Variants in SAMD12 observed in about 807,000 individuals in gnomAD.
SAMD12 encodes sterile alpha motif domain-containing protein 12.
Under a neutral mutation model 15.0 loss-of-function variants are expected in SAMD12, and 9 were observed. The ratio of observed to expected loss-of-function variants is 0.60; its 90% confidence interval spans 0.36 to 1.05. SAMD12 has a LOEUF of 1.05. SAMD12 is among the 50% of genes least tolerant of loss of function. The pLI is 0.01. For synonymous variants in SAMD12, 86 were observed against 90.1 expected, an observed-to-expected ratio of 0.96 and a Z score of 0.25; for missense variants, 230 against 234.2, an observed-to-expected ratio of 0.98 and a Z score of 0.12.
intron 3 of SAMD12, among the ~76,000 whole-genome samples, chr8:118,416,003 T>C (rs1008167013): frequency 1.3e-5 from 2 of 152,184 alleles, no homozygotes; most frequent in East Asian, 1.9e-4. Context: ...CCTTTTTTTT[T>C]CTTTAAAGTG....
At chr8:118,227,936 C>T (rs750158476) in intron 4 of SAMD12, among the ~76,000 whole-genome samples, 3 of 152,164 alleles carry the variant, frequency 2.0e-5, no homozygotes, top group African/African-American at 7.2e-5. Flanking sequence ...TAAAAATAGG[C>T]ACATAGACCA....
chr8:118,169,023 A>G, the SAMD12 span, among the ~76,000 whole-genome samples: 5 of 152,158 alleles, frequency 3.3e-5, no homozygotes, highest in African/African-American at 4.8e-5. Flanking sequence ...CAACCACTCA[A>G]CAATAGGAAA....
intron 1 of SAMD12, among the ~76,000 whole-genome samples, chr8:118,585,203 A>G (rs1827407517): frequency 6.6e-6 from 1 of 152,216 alleles, no homozygotes; most frequent in African/African-American, 2.4e-5. Flanking sequence ...ACAAAAATGG[A>G]CAACTATTGG....
chr8:118,285,751 T>G (rs183702828), intron 4 of SAMD12, among the ~76,000 whole-genome samples: 19 of 152,332 alleles, frequency 1.2e-4, no homozygotes, highest in Admixed American at 2.6e-4. Flanking sequence ...TTGAACAGAC[T>G]GAATAGGATA....
chr8:118,542,172 C>T (rs1826005401), intron 2 of SAMD12, among the ~76,000 whole-genome samples: 1 of 152,092 alleles, frequency 6.6e-6, no homozygotes, highest in Non-Finnish European at 1.5e-5. Context: ...GCTGCATAGA[C>T]AATAAGTAAG....
chr8:118,534,740 A>C (rs1007936455), intron 2 of SAMD12, among the ~76,000 whole-genome samples: 2 of 152,154 alleles, frequency 1.3e-5, no homozygotes, highest in African/African-American at 2.4e-5. Context: ...CGAATCGGCT[A>C]CTGAAGCTTG....
chr8:118,378,942 A>G lies in SAMD12; in HGVS notation c.*475T>C. 1.1e-6 allele frequency: 1 copy of G among 946,206 alleles called. No individual in the cohort carries two copies. The highest frequency in any genetic ancestry group is 1.3e-6 in the Non-Finnish European group (1 of 792,576). 58.6% of individuals were successfully genotyped at this position (946,206 alleles called of 1,614,324 possible). A position where few individuals can be genotyped will look rare whatever the true frequency, so the allele number is the denominator to read the frequency against. On this transcript the variant is annotated 3_prime_UTR_variant, in exon 4 of 4. Transcript: ENST00000314727. ...CTCTTAACAGTGTAGTTTTAGATTC[A>G]CTATAGTCTATTATAAAAATTATTC...
At chr8:118,229,715 G>T (rs1812266014) in intron 4 of SAMD12, among the ~76,000 whole-genome samples, 1 of 152,116 alleles carries the variant, frequency 6.6e-6, no homozygotes, top group South Asian at 2.1e-4. Context: ...AAGCATTCAG[G>T]AAACAAACTC....
intron 4 of SAMD12, among the ~76,000 whole-genome samples, chr8:118,368,048 C>A (rs1818886909): frequency 6.6e-6 from 1 of 152,092 alleles, no homozygotes; most frequent in Non-Finnish European, 1.5e-5. Flanking sequence ...TTAATAATTC[C>A]CTCAAAAAAC....
chr8:118,591,176 A>T (rs1827577459), intron 1 of SAMD12, among the ~76,000 whole-genome samples: 4 of 152,212 alleles, frequency 2.6e-5, no homozygotes, highest in Admixed American at 1.3e-4. Flanking sequence ...ATATAAATTA[A>T]TCTCAAAAAT....
intron 4 of SAMD12, among the ~76,000 whole-genome samples, chr8:118,315,983 C>T (rs548514850): frequency 3.9e-5 from 6 of 152,182 alleles, no homozygotes; most frequent in South Asian, 4.2e-4. Flanking sequence ...CTTGAAATGC[C>T]GGAGAAGGGA....
Position 118,515,249 on chromosome 8 carries a change from G to A in SAMD12, c.192+65466C>T, listed in dbSNP as rs10092225. ...GGGGTTTCACTGTGTTAGCCAGGAT[G>A]GTCTCGATCTCCTGATCTCGTGATC... On this transcript the variant is annotated intron_variant, in intron 2 of 3. Transcript: ENST00000314727. Among the ~76,000 whole-genome samples, 646 of 141,472 alleles carry A rather than the reference G, an allele frequency of 4.6e-3. 4 individuals carry two copies. Among genetic ancestry groups the A allele is most frequent in the African/African-American group, 0.015 (576 of 37,940 alleles). The allele number at this position is 141,472 out of a possible 152,430, so 92.8% of individuals were successfully genotyped here.
chr8:118,363,046 A>G (rs1390258390), intron 4 of SAMD12, among the ~76,000 whole-genome samples: 3 of 152,354 alleles, frequency 2.0e-5, no homozygotes, highest in Admixed American at 2.0e-4. Flanking sequence ...TAAGCAAGCT[A>G]TTAAATCTTT....
At chr8:118,498,276 C>A (rs1278777721) in intron 2 of SAMD12, among the ~76,000 whole-genome samples, 1 of 152,180 alleles carries the variant, frequency 6.6e-6, no homozygotes, top group South Asian at 2.1e-4. Flanking sequence ...CAACGAGATG[C>A]TGTTCCCTTG....
chr8:118,286,960 C>G (rs767410188), intron 4 of SAMD12, among the ~76,000 whole-genome samples: 3 of 152,192 alleles, frequency 2.0e-5, no homozygotes, highest in East Asian at 1.9e-4. Flanking sequence ...AAGCACCTCA[C>G]TCATTCCTGC....
the SAMD12 span, among the ~76,000 whole-genome samples, chr8:118,170,851 T>C: frequency 6.6e-6 from 1 of 152,042 alleles, no homozygotes; most frequent in Non-Finnish European, 1.5e-5. Context: ...ATTAAGAATT[T>C]TACACTGCAA....
chr8:118,571,598 C>A (rs1827012439), intron 2 of SAMD12, among the ~76,000 whole-genome samples: 1 of 152,160 alleles, frequency 6.6e-6, no homozygotes, highest in Non-Finnish European at 1.5e-5. Context: ...AGCTTAGGGA[C>A]TTGGTGCCCA....
chr8:118,133,018 ATATATAT>A, the SAMD12 span, among the ~76,000 whole-genome samples: 2 of 103,078 alleles, frequency 1.9e-5, no homozygotes, highest in Admixed American at 1.0e-4. Flanking sequence ...ATATATATAT[ATATATAT>A]ATCTTATTAC....
At chr8:118,200,079 C>A (rs1490347881) in intron 4 of SAMD12, among the ~76,000 whole-genome samples, 1 of 152,144 alleles carries the variant, frequency 6.6e-6, no homozygotes, top group Non-Finnish European at 1.5e-5. Context: ...TCCCCTTTTC[C>A]TTGGCTCCCA....
Sources: allele counts gnomAD v4.1 joint callset (sites outside exome capture counted in the v4.1 genomes callset), GRCh38; gene constraint gnomAD v4.1.1; transcripts MANE v1.5; gene names NCBI Gene and HGNC (gene_info 2026-07-23, HGNC 2026-07-21).